DDX6: variants seen among roughly 807,000 people sequenced by gnomAD.
DDX6 encodes the protein probable ATP-dependent RNA helicase DDX6.
DDX6 carries 7 observed loss-of-function variants against 60.6 expected under a neutral mutation model. That is an observed-to-expected ratio of 0.12 (90% CI 0.07 to 0.22). The LOEUF is 0.22. Ranked by LOEUF, DDX6 falls within the 10% of genes least tolerant of loss-of-function variation. The probability of loss-of-function intolerance (pLI) is 1.00; values close to 1 mark genes in which losing one functional copy is unlikely to be tolerated. For missense variants in DDX6, 270 were observed against 589.9 expected (o/e 0.46, Z 5.62); for synonymous variants, 207 against 201.0 (o/e 1.03, Z -0.25).
intron 6 of DDX6, 24 bp downstream of exon 6, chr11:118,765,185 T>G (rs782792583): frequency 6.2e-7 from 1 of 1,610,400 alleles, no homozygotes; most frequent in East Asian, 2.2e-5. Context: ...AGAGCTACAC[T>G]ACCTTTTAGT....
intron 6 of DDX6, among the ~76,000 whole-genome samples, chr11:118,763,838 T>TAAAA (rs58341763): frequency 1.5e-5 from 2 of 134,370 alleles, no homozygotes; most frequent in Non-Finnish European, 3.1e-5. Context: ...TGTCTCAAAT[T>TAAAA]AAAAAAAAAA....
intron 3 of DDX6, among the ~76,000 whole-genome samples, chr11:118,780,559 C>T (rs377252792): frequency 2.6e-5 from 4 of 152,168 alleles, no homozygotes; most frequent in African/African-American, 9.7e-5. Flanking sequence ...TCAGGTGATC[C>T]GCCTGCCTCG....
chr11:118,764,722 T>C (rs1861290223), intron 6 of DDX6, among the ~76,000 whole-genome samples: 1 of 151,314 alleles, frequency 6.6e-6, no homozygotes, highest in Non-Finnish European at 1.5e-5. Context: ...GAGAATGGCC[T>C]GAACCTGGGA....
At chr11:118,760,227 A>T (rs1431023438) in intron 7 of DDX6, among the ~76,000 whole-genome samples, 183 bp from the exon 8 acceptor site, 6 of 152,186 alleles carry the variant, frequency 3.9e-5, no homozygotes, top group African/African-American at 1.4e-4. Context: ...CAAAATCTAT[A>T]ATCCCCATCT....
chr11:118,784,176 A>T (rs1390832091), intron 2 of DDX6, among the ~76,000 whole-genome samples: 6 of 152,124 alleles, frequency 3.9e-5, no homozygotes, highest in Middle Eastern at 3.2e-3. Flanking sequence ...ACTACAACTG[A>T]AGTAGTATTC....
chr11:118,767,081 T>C (rs1252214493), intron 5 of DDX6, among the ~76,000 whole-genome samples: 1 of 151,736 alleles, frequency 6.6e-6, no homozygotes, highest in Non-Finnish European at 1.5e-5. Flanking sequence ...GAGACAGGGT[T>C]TTACCATGTT....
intron 4 of DDX6, among the ~76,000 whole-genome samples, chr11:118,770,087 T>C (rs1861487471): frequency 6.6e-6 from 1 of 151,706 alleles, no homozygotes; most frequent in Admixed American, 6.6e-5. Context: ...AGTACAATGG[T>C]GCGATCTTGG....
chr11:118,757,328 A>C lies in DDX6; in HGVS notation c.994-41T>G, dbSNP rs782730134. ...AATAAGTATGAGAAAAATAAAAAAA[A>C]CCTTCATTTGGTTTGCCAAATCTTG... On this transcript the variant is annotated intron_variant, in intron 9 of 13. Transcript: ENST00000534980. 1.0e-5 allele frequency: 12 copies of C among 1,194,750 alleles called. No individual in the cohort carries two copies. In the East Asian group the frequency reaches 2.3e-4, roughly 22 times the overall value. The allele number at this position is 1,194,750 out of a possible 1,614,324, so 74.0% of individuals were successfully genotyped here.
At chr11:118,778,259 G>A (rs1045617749) in intron 4 of DDX6, among the ~76,000 whole-genome samples, 1 of 152,086 alleles carries the variant, frequency 6.6e-6, no homozygotes, top group Admixed American at 6.6e-5. Context: ...ATCATGCCAT[G>A]AATTGCAAAT....
intron 4 of DDX6, among the ~76,000 whole-genome samples, chr11:118,773,037 C>G (rs1283832615): frequency 6.6e-6 from 1 of 152,194 alleles, no homozygotes; most frequent in African/African-American, 2.4e-5. Flanking sequence ...GTTTCTCTAG[C>G]CTTCTCAATC....
intron 4 of DDX6, among the ~76,000 whole-genome samples, chr11:118,777,400 A>ATG (rs1441733439): frequency 6.6e-6 from 1 of 152,236 alleles, no homozygotes; most frequent in South Asian, 2.1e-4. Flanking sequence ...ATTTATGTGT[A>ATG]TGTGTGTGTG....
chr11:118,747,904 C>T lies in DDX6; in HGVS notation c.*4201G>A, dbSNP rs1321876708. The T allele has an allele frequency of 6.4e-5, 1 of 15,712 alleles. No homozygotes were observed. Among genetic ancestry groups the T allele is most frequent in the Non-Finnish European group, 1.5e-4 (1 of 6,500 alleles). 1.0% of individuals were successfully genotyped at this position (15,712 alleles called of 1,614,324 possible). A position where few individuals can be genotyped will look rare whatever the true frequency, so the allele number is the denominator to read the frequency against. On this transcript the variant is annotated 3_prime_UTR_variant, in exon 14 of 14. Coordinates refer to ENST00000534980, the MANE Select transcript of DDX6 (RefSeq NM_004397.6). ...AACACATCCCAACAAAAACAGAGCC[C>T]CCCCCCCCCCCACTGGAACATCTGC...
At chr11:118,786,943 T>C (rs532277538) in intron 1 of DDX6, 4 of 152,324 alleles carry the variant, frequency 2.6e-5, no homozygotes, top group Non-Finnish European at 4.4e-5. Flanking sequence ...CTTCTACTTG[T>C]AATAGCAACC....
chr11:118,785,957 G>C, intron 2 of DDX6, 95 bp downstream of exon 2: 1 of 1,186,026 alleles, frequency 8.4e-7, no homozygotes, highest in Admixed American at 2.6e-5. Context: ...AATCAAAATG[G>C]TTAAATTAAG....
chr11:118,789,128 T>C (rs1591932797), intron 1 of DDX6: 1 of 141,524 alleles, frequency 7.1e-6, no homozygotes, highest in East Asian at 2.1e-4. Flanking sequence ...CAGGTTGGAG[T>C]GCAGTGGCAC....
chr11:118,753,178 G>A (rs1419468978), intron 13 of DDX6, among the ~76,000 whole-genome samples: 2 of 151,782 alleles, frequency 1.3e-5, no homozygotes, highest in Non-Finnish European at 2.9e-5. Context: ...ACAGGCGCCC[G>A]CCACCATGCC....
At chr11:118,789,391 T>C (rs1234405175) in intron 1 of DDX6, 1 of 152,172 alleles carries the variant, frequency 6.6e-6, no homozygotes, top group Non-Finnish European at 1.5e-5. Context: ...CCGTTACATT[T>C]CTTATATAAA....
chr11:118,748,130 A>G lies in DDX6; in HGVS notation c.*3975T>C, dbSNP rs1240376196. 1.3e-5 allele frequency: 2 copies of G among 151,952 alleles called. No homozygotes were observed. Among genetic ancestry groups the G allele is most frequent in the Non-Finnish European group, 2.9e-5 (2 of 67,990 alleles). 9.4% of individuals were successfully genotyped at this position (151,952 alleles called of 1,614,324 possible). A position where few individuals can be genotyped will look rare whatever the true frequency, so the allele number is the denominator to read the frequency against. On this transcript the variant is annotated 3_prime_UTR_variant, in exon 14 of 14. Transcript: ENST00000534980. ...GTTTTCTCCAGGCTCCCCTTCCCACACAACCAATGTAAAATACAGCAGCCT... is the reference window on the plus strand; with the variant it reads ...GTTTTCTCCAGGCTCCCCTTCCCACGCAACCAATGTAAAATACAGCAGCCT...
intron 2 of DDX6, among the ~76,000 whole-genome samples, chr11:118,782,990 G>A (rs184013322): frequency 2.0e-5 from 3 of 152,276 alleles, no homozygotes; most frequent in East Asian, 1.9e-4. Context: ...TTGACATACC[G>A]TTGAATTCAA....
Sources: gnomAD v4.1 joint callset for allele counts (sites outside exome capture counted in the v4.1 genomes callset) on GRCh38, gnomAD v4.1.1 for gene constraint, MANE v1.5 for transcripts, NCBI Gene and HGNC (gene_info 2026-07-23, HGNC 2026-07-21) for gene names.